IQCM: variants seen among roughly 807,000 people sequenced by gnomAD.
IQCM encodes the protein IQ domain-containing protein M.
Under a neutral mutation model 57.6 loss-of-function variants are expected in IQCM, and 45 were observed. That is an observed-to-expected ratio of 0.78 (90% confidence interval 0.62 to 1.00). The LOEUF (loss-of-function observed/expected upper bound fraction) is 1.00, where lower values mean the gene tolerates loss of function less well. IQCM is among the 50% of genes least tolerant of loss of function. IQCM has a pLI of 0.00. For synonymous variants in IQCM, 148 were observed against 158.9 expected, an observed-to-expected ratio of 0.93 and a Z score of 0.51; for missense variants, 468 against 511.6, an observed-to-expected ratio of 0.91 and a Z score of 0.82.
chr4:149,597,442 G>A (rs1753884701), intron 8 of IQCM, among the ~76,000 whole-genome samples: 1 of 152,142 alleles, frequency 6.6e-6, no homozygotes, highest in African/African-American at 2.4e-5. Context: ...CCAGGCTGGA[G>A]TGCATTGGTA....
intron 12 of IQCM, among the ~76,000 whole-genome samples, chr4:149,487,143 G>A (rs891312704): frequency 6.6e-6 from 1 of 152,058 alleles, no homozygotes; most frequent in African/African-American, 2.4e-5. Flanking sequence ...TAGTCAGCAG[G>A]TGATAAATCT....
intron 2 of IQCM, among the ~76,000 whole-genome samples, chr4:149,807,088 A>G (rs1774151882): frequency 6.6e-6 from 1 of 152,032 alleles, no homozygotes; most frequent in Non-Finnish European, 1.5e-5. Context: ...ATACTATCCA[A>G]AACAATCTAC....
chr4:149,503,678 A>T (rs1285785880), intron 12 of IQCM, among the ~76,000 whole-genome samples: 1 of 152,136 alleles, frequency 6.6e-6, no homozygotes, highest in African/African-American at 2.4e-5. Flanking sequence ...AATATCAAAA[A>T]CTAAATGACT....
intron 7 of IQCM, among the ~76,000 whole-genome samples, chr4:149,676,835 C>T (rs1337728172): frequency 6.6e-6 from 1 of 151,800 alleles, no homozygotes; most frequent in East Asian, 1.9e-4. Context: ...AATTGAGGAC[C>T]TCCAGTTCCA....
chr4:149,795,361 C>T (rs1249370403), intron 2 of IQCM, among the ~76,000 whole-genome samples: 2 of 152,116 alleles, frequency 1.3e-5, no homozygotes. Flanking sequence ...CCAGACCAAA[C>T]TCAGCTAACA....
chr4:149,400,442 TG>T (rs1732539744), intron 13 of IQCM, among the ~76,000 whole-genome samples: 1 of 152,008 alleles, frequency 6.6e-6, no homozygotes. Context: ...TCACGTGGCA[TG>T]AGATACATTC....
At chr4:149,719,080 C>A (rs1040621897) in intron 5 of IQCM, among the ~76,000 whole-genome samples, 3 of 152,012 alleles carry the variant, frequency 2.0e-5, no homozygotes, top group Admixed American at 2.0e-4. Context: ...CATGGTGGCT[C>A]ATGCCTGTAA....
chr4:149,359,962 G>A (rs945682484), intron 13 of IQCM, among the ~76,000 whole-genome samples: 7 of 152,034 alleles, frequency 4.6e-5, no homozygotes, highest in Non-Finnish European at 1.0e-4. Context: ...AAGGGCACTA[G>A]CTGAGAGCTT....
intron 12 of IQCM, among the ~76,000 whole-genome samples, chr4:149,467,505 T>C (rs1170285831): frequency 6.6e-6 from 1 of 152,226 alleles, no homozygotes; most frequent in East Asian, 1.9e-4. Context: ...AGTAAATTGC[T>C]TGTATGTTTT....
At chr4:149,548,800 G>A (rs1354997495) in intron 11 of IQCM, among the ~76,000 whole-genome samples, 1 of 152,030 alleles carries the variant, frequency 6.6e-6, no homozygotes, top group African/African-American at 2.4e-5. Context: ...TCCCCAAGAT[G>A]AATACTGGCA....
At chr4:149,605,235 T>C (rs141053821) in intron 8 of IQCM, among the ~76,000 whole-genome samples, 134 of 152,306 alleles carry the variant, frequency 8.8e-4, no homozygotes, top group African/African-American at 3.1e-3. Context: ...GTCAATGGCC[T>C]TTTATAATAA....
At chr4:149,574,703 T>G (rs545759478) in intron 9 of IQCM, among the ~76,000 whole-genome samples, 1 of 151,982 alleles carries the variant, frequency 6.6e-6, no homozygotes, top group South Asian at 2.1e-4. Flanking sequence ...TGATAATATA[T>G]ATTAAACACT....
intron 5 of IQCM, among the ~76,000 whole-genome samples, chr4:149,700,062 GC>G (rs559118821): frequency 1.1e-3 from 171 of 152,044 alleles, no homozygotes; most frequent in African/African-American, 3.9e-3. Flanking sequence ...TCATTGTGTT[GC>G]CCCAAAGAGG....
chr4:149,444,445 T>C (rs1736288682), intron 12 of IQCM, among the ~76,000 whole-genome samples: 1 of 151,934 alleles, frequency 6.6e-6, no homozygotes, highest in South Asian at 2.1e-4. Flanking sequence ...TGATATTTCC[T>C]GGAAATATAA....
At chr4:149,494,772 T>G (rs1334750691) in intron 12 of IQCM, among the ~76,000 whole-genome samples, 3 of 152,018 alleles carry the variant, frequency 2.0e-5, no homozygotes, top group Non-Finnish European at 2.9e-5. Flanking sequence ...CAACCAGGGT[T>G]TAGAAATTTT....
intron 10 of IQCM, among the ~76,000 whole-genome samples, chr4:149,559,007 C>T (rs979323440): frequency 9.2e-5 from 14 of 152,072 alleles, no homozygotes; most frequent in African/African-American, 3.1e-4. Context: ...TCTTGCCTGC[C>T]CTTTCCCTTA....
At chr4:149,444,228 T>A (rs1335186324) in intron 12 of IQCM, among the ~76,000 whole-genome samples, 1 of 151,972 alleles carries the variant, frequency 6.6e-6, no homozygotes, top group Non-Finnish European at 1.5e-5. Context: ...TTTTAAATTC[T>A]CATGGCATAA....
At chr4:149,427,804 C>G (rs909219127) in intron 13 of IQCM, among the ~76,000 whole-genome samples, 6 of 151,848 alleles carry the variant, frequency 4.0e-5, no homozygotes, top group Non-Finnish European at 8.8e-5. Flanking sequence ...CAAAGAAAAT[C>G]AAAAGGACTT....
At chr4:149,378,530 G>A (rs1327400165) in intron 13 of IQCM, among the ~76,000 whole-genome samples, 3 of 152,096 alleles carry the variant, frequency 2.0e-5, no homozygotes, top group Admixed American at 2.0e-4. Flanking sequence ...AGTGACTGGT[G>A]GCATTTTGTC....
Sources: allele counts gnomAD v4.1 joint callset (sites outside exome capture counted in the v4.1 genomes callset), GRCh38; gene constraint gnomAD v4.1.1; transcripts MANE v1.5; gene names NCBI Gene and HGNC (gene_info 2026-07-23, HGNC 2026-07-21).